FHIP1A: variants seen among roughly 807,000 people sequenced by gnomAD.
FHIP1A encodes FHF complex subunit HOOK-interacting protein 1A.
FHIP1A carries 61 observed loss-of-function variants against 88.6 expected under a neutral mutation model. The observed-to-expected ratio is 0.69, with a 90% CI of 0.56 to 0.85. The LOEUF is 0.85. Ranked by LOEUF, FHIP1A falls within the 40% of genes least tolerant of loss-of-function variation. FHIP1A has a pLI of 0.00. For synonymous variants in FHIP1A, 478 were observed against 496.0 expected, an observed-to-expected ratio of 0.96 and a Z score of 0.48; for missense variants, 1,154 against 1,273.5, an observed-to-expected ratio of 0.91 and a Z score of 1.43.
rs150408805 is a variant in FHIP1A, at chr4:151,417,677, A to G, written c.-356+8212A>G. Among the ~76,000 whole-genome samples the G allele has an allele frequency of 1.8e-3, 278 of 152,316 alleles. 7 individuals carry two copies. In the East Asian group the frequency reaches 0.046, roughly 25 times the overall value. On this transcript the variant is annotated intron_variant, in intron 1 of 13. Coordinates refer to ENST00000435205, the MANE Select transcript of FHIP1A (RefSeq NM_001109977.3). ...AATCAGCCTTAGGTTCCCTGCCTCC[A>G]GACCCTGTTCTTCTGCCTCAGTAGG...
chr4:151,638,776 T>A lies in FHIP1A; in HGVS notation c.1226+20T>A. ...TCTAAGGTGAGTTGCCTTTTTTGTT[T>A]CCTTTAAAGAAAAATTCACTTTATA... On this transcript the variant is annotated intron_variant, in intron 9 of 13. Transcript: ENST00000435205. 1 of 1,430,664 alleles carries A rather than the reference T, an allele frequency of 7.0e-7. No homozygotes were observed. The highest frequency in any genetic ancestry group is 9.6e-7 in the Non-Finnish European group (1 of 1,044,662). The allele number at this position is 1,430,664 out of a possible 1,614,324, so 88.6% of individuals were successfully genotyped here. A position where few individuals can be genotyped will look rare whatever the true frequency, so the allele number is the denominator to read the frequency against.
chr4:151,640,315 A>G (rs1322279602), intron 9 of FHIP1A, among the ~76,000 whole-genome samples: 1 of 152,212 alleles, frequency 6.6e-6, no homozygotes, highest in Non-Finnish European at 1.5e-5. Flanking sequence ...GGAGAGTATC[A>G]CCTATTAGTT....
At chr4:151,594,008 A>G (rs534681631) in intron 7 of FHIP1A, among the ~76,000 whole-genome samples, 4 of 152,168 alleles carry the variant, frequency 2.6e-5, no homozygotes, top group Admixed American at 2.6e-4. Flanking sequence ...TTCTGCATCT[A>G]TTGAGATAAT....
At chr4:151,485,835 C>T (rs146519840) in intron 3 of FHIP1A, among the ~76,000 whole-genome samples, 25 of 152,178 alleles carry the variant, frequency 1.6e-4, no homozygotes, top group African/African-American at 5.1e-4. Flanking sequence ...GCAATCTGCC[C>T]GCCTTAGCCT....
At chr4:151,568,481 T>G (rs1341931335) in intron 4 of FHIP1A, among the ~76,000 whole-genome samples, 1 of 152,170 alleles carries the variant, frequency 6.6e-6, no homozygotes, top group Non-Finnish European at 1.5e-5. Flanking sequence ...TTGAGGGCCT[T>G]TCTGTTATCT....
At chr4:151,555,994 A>G (rs1019670729) in intron 3 of FHIP1A, among the ~76,000 whole-genome samples, 2 of 152,198 alleles carry the variant, frequency 1.3e-5, no homozygotes, top group Admixed American at 1.3e-4. Context: ...AACAAATAAT[A>G]GAAAAGGTTG....
chr4:151,607,854 T>C (rs1055322740), intron 7 of FHIP1A, among the ~76,000 whole-genome samples: 2 of 152,172 alleles, frequency 1.3e-5, no homozygotes, highest in Non-Finnish European at 2.9e-5. Flanking sequence ...ATCTCTAAAG[T>C]GAGACATCCT....
chr4:151,662,210 A>T (rs1737484890), intron 13 of FHIP1A, among the ~76,000 whole-genome samples: 1 of 152,220 alleles, frequency 6.6e-6, no homozygotes, highest in Non-Finnish European at 1.5e-5. Context: ...TCTGGCATGG[A>T]GGATTCTTGA....
intron 1 of FHIP1A, among the ~76,000 whole-genome samples, chr4:151,419,790 T>A (rs1264917047): frequency 1.5e-3 from 19 of 12,930 alleles, no homozygotes; most frequent in African/African-American, 6.1e-3. Flanking sequence ...CCTTCCTGTG[T>A]CCATGTGATC....
At chr4:151,551,627 C>T (rs988051830) in intron 3 of FHIP1A, among the ~76,000 whole-genome samples, 6 of 152,044 alleles carry the variant, frequency 3.9e-5, no homozygotes, top group African/African-American at 1.4e-4. Flanking sequence ...AACTGGCTAG[C>T]CATATGTAGA....
intron 3 of FHIP1A, among the ~76,000 whole-genome samples, chr4:151,552,460 A>G (rs1187828678): frequency 1.3e-5 from 2 of 152,218 alleles, no homozygotes; most frequent in African/African-American, 2.4e-5. Flanking sequence ...GATTAAGAAA[A>G]TGTGGCACAT....
intron 1 of FHIP1A, among the ~76,000 whole-genome samples, chr4:151,420,509 C>A (rs186565271): frequency 6.6e-6 from 1 of 152,188 alleles, no homozygotes; most frequent in African/African-American, 2.4e-5. Context: ...TCTTCCAAGC[C>A]TAGTTCAGAG....
Position 151,667,281 on chromosome 4 carries a change from A to AT in FHIP1A, c.*4531dup, listed in dbSNP as rs1737699093. Reference sequence around the variant, plus strand: ...TCAGTCTATAAATAACACAACACTAATTTTCCATCAAGTAACAGCTTAAAA... The same window carrying AT: ...TCAGTCTATAAATAACACAACACTAATTTTTCCATCAAGTAACAGCTTAAAA... On this transcript the variant is annotated 3_prime_UTR_variant, in exon 14 of 14. Coordinates refer to ENST00000435205, the MANE Select transcript of FHIP1A (RefSeq NM_001109977.3). 6.6e-6 allele frequency: 1 copy of AT among 152,190 alleles called. No homozygotes were observed. Among genetic ancestry groups the AT allele is most frequent in the Admixed American group, 6.5e-5 (1 of 15,276 alleles). The allele number at this position is 152,190 out of a possible 1,614,324, so 9.4% of individuals were successfully genotyped here.
intron 3 of FHIP1A, among the ~76,000 whole-genome samples, chr4:151,501,052 T>C (rs1730633229): frequency 6.6e-6 from 1 of 152,176 alleles, no homozygotes; most frequent in Non-Finnish European, 1.5e-5. Context: ...CGGATATAGA[T>C]TGGGCATAGA....
At chr4:151,630,682 C>A (rs576536759) in intron 8 of FHIP1A, among the ~76,000 whole-genome samples, 1 of 152,120 alleles carries the variant, frequency 6.6e-6, no homozygotes, top group East Asian at 1.9e-4. Flanking sequence ...TCAATTAGCA[C>A]TACACTTATC....
At chr4:151,419,144 A>AT (rs1246102218) in intron 1 of FHIP1A, among the ~76,000 whole-genome samples, 5 of 152,194 alleles carry the variant, frequency 3.3e-5, no homozygotes, top group African/African-American at 9.7e-5. Context: ...TAACATTAGA[A>AT]TTGGTAAACT....
chr4:151,614,677 A>C (rs907256922), intron 7 of FHIP1A, among the ~76,000 whole-genome samples: 3 of 152,114 alleles, frequency 2.0e-5, no homozygotes, highest in Non-Finnish European at 4.4e-5. Context: ...CCATTTTTAC[A>C]TCTCTCAGAG....
chr4:151,578,269 T>C (rs1733883471), intron 5 of FHIP1A, among the ~76,000 whole-genome samples, 193 bp downstream of exon 5: 6 of 152,202 alleles, frequency 3.9e-5, no homozygotes. Context: ...CTGAGCAGCA[T>C]CAGCTCATCA....
intron 9 of FHIP1A, among the ~76,000 whole-genome samples, chr4:151,640,104 A>G (rs1736515009): frequency 6.6e-6 from 1 of 152,222 alleles, no homozygotes; most frequent in Admixed American, 6.5e-5. Context: ...TCTCGGACCT[A>G]CTGAATCAGA....
Sources: gnomAD v4.1 joint callset for allele counts (sites outside exome capture counted in the v4.1 genomes callset) on GRCh38, gnomAD v4.1.1 for gene constraint, MANE v1.5 for transcripts, NCBI Gene and HGNC (gene_info 2026-07-23, HGNC 2026-07-21) for gene names.